Variants in HOXC4 observed in about 807,000 individuals in gnomAD.
HOXC4 encodes the protein homeobox protein Hox-C4.
HOXC4 carries 15 observed loss-of-function variants against 25.5 expected under a neutral mutation model. That is an observed-to-expected ratio of 0.59 (90% CI 0.39 to 0.91). The LOEUF is 0.91. HOXC4 is among the 40% of genes least tolerant of loss of function. HOXC4 has a pLI of 0.00. For synonymous variants in HOXC4, 165 were observed against 148.0 expected (o/e 1.11, Z -0.83); for missense variants, 342 against 352.4 (o/e 0.97, Z 0.24).
upstream of HOXC4, among the ~76,000 whole-genome samples, chr12:54,050,543 A>T (rs139821119): frequency 1.3e-5 from 2 of 152,338 alleles, no homozygotes; most frequent in African/African-American, 4.8e-5. Context: ...GAGCTGCTTT[A>T]GTACCCCCAC....
In HOXC4 at chr12:54,033,235, A is replaced by C. The variant is rs746568160; in HGVS notation, c.-124+15821A>C. The C allele has an allele frequency of 6.2e-7, 1 of 1,614,086 alleles. No homozygotes were observed. The highest frequency in any genetic ancestry group is 8.5e-7 in the Non-Finnish European group (1 of 1,180,046). ...GCCTCAGAGGTGCAGGCATCCAGGT[A>C]CTGCTACGGCGGATTGGACTTAAGC... On this transcript the variant is annotated intron_variant, in intron 1 of 3. Transcript: ENST00000303406.
intron 1 of HOXC4, among the ~76,000 whole-genome samples, chr12:54,025,084 C>A (rs928054473): frequency 6.6e-6 from 1 of 152,336 alleles, no homozygotes; most frequent in Admixed American, 6.5e-5. Flanking sequence ...AGCAAGGAGA[C>A]CTGCAAGCCT....
chr12:54,050,899 CAT>C (rs926658406), upstream of HOXC4, among the ~76,000 whole-genome samples: 1 of 152,124 alleles, frequency 6.6e-6, no homozygotes, highest in African/African-American at 2.4e-5. Context: ...AGTGTGCACG[CAT>C]ATATGTTAAC....
chr12:54,018,346 C>CG (rs1193505424), intron 1 of HOXC4, among the ~76,000 whole-genome samples: 4 of 152,060 alleles, frequency 2.6e-5, no homozygotes, highest in East Asian at 1.9e-4. Flanking sequence ...TGCCTCGCCT[C>CG]GGGGGGAGGT....
intron 1 of HOXC4, among the ~76,000 whole-genome samples, chr12:54,044,678 G>GT (rs1042386828): frequency 5.9e-5 from 9 of 152,068 alleles, no homozygotes; most frequent in African/African-American, 2.2e-4. Flanking sequence ...CTGTCACTGG[G>GT]TTTTTTTGTA....
upstream of HOXC4, among the ~76,000 whole-genome samples, chr12:54,049,800 G>GA (rs1937804528): frequency 1.0e-5 from 1 of 98,918 alleles, no homozygotes; most frequent in Non-Finnish European, 2.2e-5. Flanking sequence ...ACACACACAC[G>GA]AAAAAAATGG....
At chr12:54,030,088 G>A (rs1393870765) in intron 1 of HOXC4, 2 of 994,140 alleles carry the variant, frequency 2.0e-6, no homozygotes, top group African/African-American at 1.6e-5. Flanking sequence ...AACAAAATTA[G>A]GGAGTCAAAC....
At chr12:54,042,948 C>T (rs960547623) in intron 1 of HOXC4, among the ~76,000 whole-genome samples, 17 of 152,164 alleles carry the variant, frequency 1.1e-4, no homozygotes, top group Admixed American at 1.1e-3. Context: ...TTCGGTGATA[C>T]AAATCTCTTT....
chr12:54,029,849 G>C, intron 1 of HOXC4: 1 of 1,614,052 alleles, frequency 6.2e-7, no homozygotes, highest in Non-Finnish European at 8.5e-7. Context: ...GTGGAAAAAA[G>C]AATCTAATCT....
chr12:54,048,807 A>G (rs955123353), intron 1 of HOXC4, among the ~76,000 whole-genome samples: 4 of 152,192 alleles, frequency 2.6e-5, no homozygotes, highest in Admixed American at 6.5e-5. Flanking sequence ...TGGGAGTACC[A>G]GGCCAGGGAC....
Position 54,025,525 on chromosome 12 carries a change from AT to A in HOXC4, c.-124+8113del, listed in dbSNP as rs1235951988. Among the ~76,000 whole-genome samples the A allele has an allele frequency of 1.9e-3, 37 of 19,368 alleles. No individual in the cohort carries two copies. In the East Asian group the frequency reaches 0.054, roughly 28 times the overall value. 12.7% of individuals were successfully genotyped at this position (19,368 alleles called of 152,430 possible). ...CTTCTTTCCTCAGGAATGAAAGGTA[AT>A]TGGGGGGGGGGGAGGTGTTGAAAAT... On this transcript the variant is annotated intron_variant, in intron 1 of 3. Coordinates refer to the HOXC4 transcript ENST00000303406.
chr12:54,034,963 G>A (rs61921797), intron 1 of HOXC4: 59,569 of 182,724 alleles, frequency 0.33, 10,140 homozygotes, highest in East Asian at 0.42. Flanking sequence ...TCTGGCCCTA[G>A]ACTCGGGGTG....
At chr12:54,034,801 C>T in intron 1 of HOXC4, 1 of 367,668 alleles carries the variant, frequency 2.7e-6, no homozygotes, top group African/African-American at 2.1e-5. Flanking sequence ...CGAACCTTGG[C>T]CTGGGCCGTA....
chr12:54,043,968 T>G (rs7136889), intron 1 of HOXC4, among the ~76,000 whole-genome samples: 8,961 of 60,300 alleles, frequency 0.15, 594 homozygotes, highest in East Asian at 0.35. Flanking sequence ...GTGTGTGTGT[T>G]TAGGGAGTAG....
intron 1 of HOXC4, chr12:54,034,274 C>T (rs1385963796): frequency 1.2e-6 from 2 of 1,612,698 alleles, no homozygotes; most frequent in Non-Finnish European, 8.5e-7. Context: ...GGTTTATGTT[C>T]CAGAGACGGA....
intron 1 of HOXC4, among the ~76,000 whole-genome samples, chr12:54,044,359 T>C (rs1937648195): frequency 6.6e-6 from 1 of 152,138 alleles, no homozygotes; most frequent in Non-Finnish European, 1.5e-5. Flanking sequence ...CTCAAAGTTT[T>C]CCCCTAAAAA....
In HOXC4 at chr12:54,025,748, A is replaced by G. The variant is rs536392045; in HGVS notation, c.-124+8334A>G. On this transcript the variant is annotated intron_variant, in intron 1 of 3. Coordinates refer to the HOXC4 transcript ENST00000303406. ...TTAACTTTCTGGGGCTGAGGCTCAC[A>G]TTCTGCCTCTCAGGTCGCCAACCTC... is the stretch of plus-strand genomic sequence containing the variant. 7.4e-3 allele frequency among the ~76,000 whole-genome samples: 1,126 copies of G among 152,220 alleles called. 11 individuals are homozygous for G. Among genetic ancestry groups the G allele is most frequent in the Middle Eastern group, 0.034 (10 of 294 alleles).
At chr12:54,025,388 A>C (rs994174557) in intron 1 of HOXC4, among the ~76,000 whole-genome samples, 1 of 152,118 alleles carries the variant, frequency 6.6e-6, no homozygotes, top group Admixed American at 6.5e-5. Context: ...AAGAAAATAT[A>C]ATCCAATGTA....
At chr12:54,049,421 T>C (rs1340179960), upstream of HOXC4, among the ~76,000 whole-genome samples, 1 of 152,058 alleles carries the variant, frequency 6.6e-6, no homozygotes, top group Non-Finnish European at 1.5e-5. Flanking sequence ...GAAAATTGAA[T>C]TCCAAGGAAG....
Sources: allele counts gnomAD v4.1 joint callset (sites outside exome capture counted in the v4.1 genomes callset), GRCh38; gene constraint gnomAD v4.1.1; transcripts MANE v1.5; gene names NCBI Gene and HGNC (gene_info 2026-07-23, HGNC 2026-07-21).